Variants in STARD13 observed in about 807,000 individuals in gnomAD.
STARD13 encodes the protein stAR-related lipid transfer protein 13.
A neutral mutation model predicts 106.4 loss-of-function variants in STARD13; 62 were observed. That is an observed-to-expected ratio of 0.58 (90% confidence interval 0.48 to 0.72). The LOEUF is 0.72. STARD13 is among the 30% of genes least tolerant of loss of function. The pLI is 0.00. For missense variants in STARD13, 1,387 were observed against 1,424.0 expected, an observed-to-expected ratio of 0.97 and a Z score of 0.42; for synonymous variants, 565 against 553.0, an observed-to-expected ratio of 1.02 and a Z score of -0.31.
chr13:33,190,494 C>T (rs1056216755), intron 1 of STARD13, among the ~76,000 whole-genome samples: 4 of 152,060 alleles, frequency 2.6e-5, no homozygotes, highest in Non-Finnish European at 5.9e-5. Context: ...GGTTTTTAAG[C>T]ATGTGGTTCT....
the STARD13 span, among the ~76,000 whole-genome samples, chr13:33,589,839 A>G: frequency 6.6e-6 from 1 of 152,086 alleles, no homozygotes; most frequent in African/African-American, 2.4e-5. Flanking sequence ...GCTGAGTTCA[A>G]TTCCTGGATA....
chr13:33,233,055 A>G (rs1889003846), intron 1 of STARD13, among the ~76,000 whole-genome samples: 1 of 152,256 alleles, frequency 6.6e-6, no homozygotes, highest in African/African-American at 2.4e-5. Flanking sequence ...CTTCAGTAAC[A>G]TATCAAGCAC....
At chr13:33,175,980 AAAG>A (rs1884475732) in intron 1 of STARD13, among the ~76,000 whole-genome samples, 1 of 152,188 alleles carries the variant, frequency 6.6e-6, no homozygotes, top group South Asian at 2.1e-4. Flanking sequence ...CATGTAGGTG[AAAG>A]AAGGAGCACA....
At chr13:33,188,331 C>A (rs1469879348) in intron 1 of STARD13, 3 of 152,232 alleles carry the variant, frequency 2.0e-5, no homozygotes, top group South Asian at 4.1e-4. Flanking sequence ...CCTTCTTTAA[C>A]CCCCAGTGGC....
the STARD13 span, among the ~76,000 whole-genome samples, chr13:33,542,268 A>C: frequency 6.6e-6 from 1 of 152,314 alleles, no homozygotes; most frequent in East Asian, 1.9e-4. Flanking sequence ...TTAGAGGGGA[A>C]GGCTGGGTCC....
chr13:33,271,767 G>T (rs1215530636), intron 1 of STARD13, among the ~76,000 whole-genome samples: 2 of 151,932 alleles, frequency 1.3e-5, no homozygotes, highest in East Asian at 3.9e-4. Flanking sequence ...CAACATGAGG[G>T]GTTGGTGAGG....
chr13:33,315,381 A>T (rs1893290007), intron 1 of STARD13, among the ~76,000 whole-genome samples: 1 of 152,186 alleles, frequency 6.6e-6, no homozygotes, highest in African/African-American at 2.4e-5. Context: ...AGAGGTTGGG[A>T]TTCAAAATTA....
intron 4 of STARD13, among the ~76,000 whole-genome samples, chr13:33,134,466 A>G (rs967086934): frequency 2.6e-5 from 4 of 152,232 alleles, no homozygotes; most frequent in African/African-American, 9.6e-5. Flanking sequence ...AAGACTGTAA[A>G]TAACTGAAGG....
the STARD13 span, among the ~76,000 whole-genome samples, chr13:33,549,202 TTTAG>T: frequency 1.3e-5 from 2 of 152,230 alleles, no homozygotes; most frequent in Admixed American, 6.5e-5. Context: ...TGAGTAATAG[TTTAG>T]TTAGATGTGT....
At chr13:33,476,919 C>G in the STARD13 span, among the ~76,000 whole-genome samples, 1 of 152,142 alleles carries the variant, frequency 6.6e-6, no homozygotes, top group African/African-American at 2.4e-5. Flanking sequence ...GAAGGTGACA[C>G]CAAAATGAAT....
intron 1 of STARD13, among the ~76,000 whole-genome samples, chr13:33,327,443 C>T (rs372837965): frequency 1.4e-4 from 21 of 152,326 alleles, no homozygotes; most frequent in African/African-American, 4.8e-4. Context: ...AATCATAGCT[C>T]ACTGCAGCCT....
chr13:33,304,806 C>G (rs1892846599), intron 1 of STARD13, among the ~76,000 whole-genome samples: 1 of 152,112 alleles, frequency 6.6e-6, no homozygotes, highest in Non-Finnish European at 1.5e-5. Context: ...TATTTGTTTA[C>G]TTTTAGCATC....
At chr13:33,138,367 T>G (rs1006227784) in intron 4 of STARD13, 1 of 151,502 alleles carries the variant, frequency 6.6e-6, no homozygotes, top group Non-Finnish European at 1.5e-5. Context: ...CTACTTTGTG[T>G]GTGCCTTGGT....
chr13:33,426,103 A>C, the STARD13 span, among the ~76,000 whole-genome samples: 3 of 152,114 alleles, frequency 2.0e-5, no homozygotes, highest in Non-Finnish European at 4.4e-5. Context: ...TCCTTTTCCT[A>C]ATCCATCCTT....
the STARD13 span, among the ~76,000 whole-genome samples, chr13:33,674,964 A>G: frequency 1.3e-5 from 2 of 152,224 alleles, no homozygotes; most frequent in African/African-American, 4.8e-5. Flanking sequence ...TAACTCTTTC[A>G]GTAAGGCAAT....
chr13:33,422,422 C>T, the STARD13 span, among the ~76,000 whole-genome samples: 28 of 152,146 alleles, frequency 1.8e-4, no homozygotes, highest in Non-Finnish European at 1.0e-4. Flanking sequence ...AACTACAAAC[C>T]ACTGCTCAGC....
intron 1 of STARD13, chr13:33,275,993 G>A (rs560211735): frequency 6.6e-6 from 1 of 152,208 alleles, no homozygotes; most frequent in Non-Finnish European, 1.5e-5. Context: ...CACAGTCAGT[G>A]GAATTCCTTC....
chr13:33,277,053 A>G (rs111533216), intron 1 of STARD13, among the ~76,000 whole-genome samples: 1 of 81,184 alleles, frequency 1.2e-5, no homozygotes, highest in Non-Finnish European at 3.1e-5. Flanking sequence ...CTTCTGAAAA[A>G]AAAAAAAGAG....
At position 33,217,603 on chromosome 13, in the gene STARD13, G is replaced by A. The variant is rs77549144; in HGVS notation, c.170-49981C>T. Reference sequence around the variant, plus strand: ...TGCGGCCTGGCCTTCTCCACTTAGCGCTGCATGAGCTCACTGGGCTGGCAT... The same window carrying A: ...TGCGGCCTGGCCTTCTCCACTTAGCACTGCATGAGCTCACTGGGCTGGCAT... On this transcript the variant is annotated intron_variant, in intron 1 of 13. Coordinates refer to ENST00000336934, the MANE Select transcript of STARD13 (RefSeq NM_178006.4). 5.3e-3 allele frequency among the ~76,000 whole-genome samples: 808 copies of A among 152,224 alleles called. 11 individuals are homozygous for A. The highest frequency in any genetic ancestry group is 0.018 in the African/African-American group (758 of 41,542).
Sources: allele counts gnomAD v4.1 joint callset (sites outside exome capture counted in the v4.1 genomes callset), GRCh38; gene constraint gnomAD v4.1.1; transcripts MANE v1.5; gene names NCBI Gene and HGNC (gene_info 2026-07-23, HGNC 2026-07-21).